TLK1: variants seen among roughly 807,000 people sequenced by gnomAD.
TLK1 encodes tousled like kinase 1, also known as serine/threonine-protein kinase tousled-like 1.
A neutral mutation model predicts 105.3 loss-of-function variants in TLK1; 24 were observed. The observed-to-expected ratio is 0.23, with a 90% CI of 0.17 to 0.32. The LOEUF is 0.32. Among genes scored for constraint, TLK1 ranks in the 10% least tolerant of loss-of-function variants. The pLI, the probability that TLK1 is intolerant of heterozygous loss-of-function variation, is 1.00. For missense variants in TLK1, 558 were observed against 910.5 expected (o/e 0.61, Z 4.98); for synonymous variants, 321 against 310.4 (o/e 1.03, Z -0.36).
intron 1 of TLK1, among the ~76,000 whole-genome samples, chr2:171,214,906 G>A (rs1693684722): frequency 6.6e-6 from 1 of 151,992 alleles, no homozygotes; most frequent in South Asian, 2.1e-4. Context: ...AGCAACTGAA[G>A]CCTGACTCCG....
chr2:171,050,302 G>GA, intron 8 of TLK1, 128 bp from the exon 9 acceptor site: 1 of 535,606 alleles, frequency 1.9e-6, no homozygotes, highest in South Asian at 5.1e-5. Flanking sequence ...AGTATGATAC[G>GA]AGAAAAAAAA....
chr2:170,999,181 A>G (rs1021115781), intron 18 of TLK1, among the ~76,000 whole-genome samples: 6 of 152,246 alleles, frequency 3.9e-5, no homozygotes, highest in African/African-American at 1.4e-4. Flanking sequence ...AGATAAACTT[A>G]AAATTATCAA....
intron 18 of TLK1, among the ~76,000 whole-genome samples, chr2:170,999,981 C>T (rs1413575668): frequency 1.3e-5 from 2 of 152,060 alleles, no homozygotes; most frequent in Non-Finnish European, 2.9e-5. Flanking sequence ...GGTTGGTCTT[C>T]AATTCCTGGG....
chr2:171,146,551 A>C (rs1558967496), intron 1 of TLK1, among the ~76,000 whole-genome samples: 1 of 152,246 alleles, frequency 6.6e-6, no homozygotes, highest in Non-Finnish European at 1.5e-5. Context: ...GTTTCATCAA[A>C]TGTAACAAGA....
chr2:171,017,828 T>G (rs1382672046), intron 12 of TLK1, among the ~76,000 whole-genome samples: 1 of 152,152 alleles, frequency 6.6e-6, no homozygotes, highest in Admixed American at 6.5e-5. Flanking sequence ...TAGAAGGAAA[T>G]GTCAAGGGAA....
At chr2:171,121,669 G>A (rs1255696167) in intron 1 of TLK1, among the ~76,000 whole-genome samples, 2 of 152,158 alleles carry the variant, frequency 1.3e-5, no homozygotes, top group African/African-American at 4.8e-5. Context: ...GCATGTATGT[G>A]CTATATACTA....
At chr2:171,084,516 A>C (rs774994706) in intron 2 of TLK1, among the ~76,000 whole-genome samples, 33 of 152,234 alleles carry the variant, frequency 2.2e-4, no homozygotes, top group Admixed American at 1.4e-3. Flanking sequence ...GCGTGCCTAA[A>C]AACAGCAGTA....
At chr2:170,996,525 C>G in intron 20 of TLK1, 128 bp downstream of exon 20, 3 of 585,356 alleles carry the variant, frequency 5.1e-6, no homozygotes, top group Middle Eastern at 4.3e-4. Flanking sequence ...ATCACCAGCC[C>G]CTGCTGGACA....
intron 5 of TLK1, among the ~76,000 whole-genome samples, chr2:171,057,911 T>C (rs1434669362): frequency 6.6e-6 from 1 of 152,070 alleles, no homozygotes; most frequent in African/African-American, 2.4e-5. Flanking sequence ...CTAATATGTA[T>C]TTTGCCTATC....
chr2:171,009,157 CA>C (rs1207558311), intron 14 of TLK1, among the ~76,000 whole-genome samples: 4 of 152,028 alleles, frequency 2.6e-5, no homozygotes, highest in African/African-American at 9.7e-5. Flanking sequence ...TCTAAGTTAA[CA>C]AAAAATAGTG....
intron 1 of TLK1, among the ~76,000 whole-genome samples, chr2:171,169,416 C>T (rs1183863066): frequency 6.6e-6 from 1 of 151,994 alleles, no homozygotes; most frequent in African/African-American, 2.4e-5. Flanking sequence ...AATATAGTCT[C>T]AATCATATAA....
chr2:171,002,019 C>T (rs1243658720), intron 18 of TLK1, among the ~76,000 whole-genome samples: 4 of 152,038 alleles, frequency 2.6e-5, no homozygotes, highest in African/African-American at 9.7e-5. Flanking sequence ...CCTCATGATC[C>T]GCCCGCCTGG....
chr2:171,189,097 C>T (rs180926082), intron 1 of TLK1, among the ~76,000 whole-genome samples: 3 of 151,820 alleles, frequency 2.0e-5, no homozygotes, highest in African/African-American at 4.8e-5. Context: ...GTGAAATATC[C>T]ATGTAACCAG....
chr2:171,230,030 A>T (rs1271565031), intron 1 of TLK1, among the ~76,000 whole-genome samples: 5 of 135,748 alleles, frequency 3.7e-5, no homozygotes, highest in African/African-American at 1.4e-4. Context: ...AATTACAGTA[A>T]AAAAAAAAGA....
chr2:171,108,440 G>A (rs929536941), intron 2 of TLK1, among the ~76,000 whole-genome samples: 2 of 151,948 alleles, frequency 1.3e-5, no homozygotes, highest in Non-Finnish European at 2.9e-5. Flanking sequence ...TTTGTCCAAT[G>A]GAAAACACGT....
Position 171,117,808 on chromosome 2 carries a change from C to T in TLK1, c.189G>A (p.Leu63=). 2 of 1,613,818 alleles carry T rather than the reference C, an allele frequency of 1.2e-6. No individual in the cohort carries two copies. Among genetic ancestry groups the T allele is most frequent in the African/African-American group, 1.3e-5 (1 of 74,940 alleles). Residue 63 remains leucine (L), a synonymous_variant, in exon 2 of 21, where the codon TTG becomes TTA. Transcript: ENST00000431350. The part of the protein sequence containing the change: ...HSLDPRRQEL[L]EARFTGVASG... Reference sequence around the variant, plus strand: ...TTGCAACTCCAGTAAATCTAGCTTCCAATAACTCTTGCCTTCTTGGATCCA... The same window carrying T: ...TTGCAACTCCAGTAAATCTAGCTTCTAATAACTCTTGCCTTCTTGGATCCA...
chr2:171,082,837 C>T lies in TLK1; in HGVS notation c.274G>A (p.Glu92Lys). Residue 92 changes from glutamate (E) to lysine (K), a missense_variant, in exon 3 of 21, where the codon GAA becomes AAA. By Grantham distance (56) the Glu-to-Lys change is moderately conservative (BLOSUM62 1). Coordinates refer to ENST00000431350, the MANE Select transcript of TLK1 (RefSeq NM_012290.5). ...SVGAKASTNN[E>K]SSNHSFGSLG... The stretch of plus-strand genomic sequence containing the variant: ...CTTCCAAAACTGTGATTAGAGCTTT[C>T]GTTATTTGTTGAGGCCTGTTAAAGA... The T allele has an allele frequency of 6.2e-7, 1 of 1,607,866 alleles. No homozygotes were observed. Among genetic ancestry groups the T allele is most frequent in the African/African-American group, 1.3e-5 (1 of 74,684 alleles).
intron 20 of TLK1, among the ~76,000 whole-genome samples, chr2:170,995,817 C>T (rs1002677945): frequency 6.6e-6 from 1 of 152,196 alleles, no homozygotes; most frequent in Non-Finnish European, 1.5e-5. Flanking sequence ...ATCCTCCCAG[C>T]TCAGCATCCT....
rs555497071 is a variant in TLK1 at position 171,028,202 on chromosome 2, CT to C, written c.1236+136del. ...ATAAAATAAAGTAACTTTAATGCAT[CT>C]CTTTTTAATCTGAAATTTTTAATTT... On this transcript the variant is annotated intron_variant, in intron 12 of 20. Coordinates refer to ENST00000431350, the MANE Select transcript of TLK1 (RefSeq NM_012290.5). 1,900 of 661,744 alleles carry C rather than the reference CT, an allele frequency of 2.9e-3. 7 individuals are homozygous for C. Among genetic ancestry groups the C allele is most frequent in the Non-Finnish European group, 3.9e-3 (1,479 of 374,670 alleles). 41.0% of individuals were successfully genotyped at this position (661,744 alleles called of 1,614,324 possible). A position where few individuals can be genotyped will look rare whatever the true frequency, so the allele number is the denominator to read the frequency against.
Sources: gnomAD v4.1 joint callset for allele counts (sites outside exome capture counted in the v4.1 genomes callset) on GRCh38, gnomAD v4.1.1 for gene constraint, MANE v1.5 for transcripts, NCBI Gene and HGNC (gene_info 2026-07-23, HGNC 2026-07-21) for gene names.